Variants in ZER1 observed in about 807,000 individuals in gnomAD.
ZER1 encodes protein zer-1 homolog.
Under a neutral mutation model 78.8 loss-of-function variants are expected in ZER1, and 11 were observed. That is an observed-to-expected ratio of 0.14 (90% CI 0.09 to 0.23). The LOEUF (loss-of-function observed/expected upper bound fraction) is 0.23, where lower values mean the gene tolerates loss of function less well. Ranked by LOEUF, ZER1 falls within the 10% of genes least tolerant of loss-of-function variation. The probability of loss-of-function intolerance (pLI) is 1.00; values close to 1 mark genes in which losing one functional copy is unlikely to be tolerated. For synonymous variants in ZER1, 400 were observed against 407.0 expected (o/e 0.98, Z 0.21); for missense variants, 588 against 996.9 (o/e 0.59, Z 5.52).
At chr9:128,748,645 C>T (rs1236898351) in intron 8 of ZER1, among the ~76,000 whole-genome samples, 1 of 151,812 alleles carries the variant, frequency 6.6e-6, no homozygotes, top group African/African-American at 2.4e-5. Context: ...GATCTCAGCT[C>T]ACTGCAACCT....
chr9:128,766,772 G>C (rs553107279), intron 1 of ZER1, among the ~76,000 whole-genome samples: 43 of 145,766 alleles, frequency 2.9e-4, no homozygotes, highest in African/African-American at 1.1e-3. Context: ...CTTGAACCTA[G>C]GAGGCAGAGG....
intron 1 of ZER1, among the ~76,000 whole-genome samples, chr9:128,756,563 C>G (rs572183523): frequency 1.3e-4 from 20 of 152,260 alleles, no homozygotes; most frequent in Non-Finnish European, 2.9e-4. Flanking sequence ...GAATATTATT[C>G]AGTCATAAAA....
intron 7 of ZER1, 77 bp from the exon 8 acceptor site, chr9:128,750,866 C>T: frequency 1.3e-6 from 2 of 1,577,524 alleles, no homozygotes; most frequent in South Asian, 1.2e-5. Context: ...GGAACAGGCT[C>T]TCTGGGGCAA....
At chr9:128,758,120 G>A (rs1018392640) in intron 1 of ZER1, among the ~76,000 whole-genome samples, 22 of 148,848 alleles carry the variant, frequency 1.5e-4, no homozygotes, top group Non-Finnish European at 3.3e-4. Context: ...TTTTAGTTTA[G>A]GTTTTTTTTT....
intron 1 of ZER1, among the ~76,000 whole-genome samples, chr9:128,759,787 T>G (rs1449006178): frequency 6.6e-6 from 1 of 152,030 alleles, no homozygotes; most frequent in Admixed American, 6.6e-5. Flanking sequence ...AGAGCGAGAC[T>G]CCGTCTCAAA....
intron 8 of ZER1, among the ~76,000 whole-genome samples, chr9:128,746,480 A>T (rs1863496030): frequency 7.3e-6 from 1 of 136,460 alleles, no homozygotes. Context: ...TTTTTTTTTA[A>T]GACAGGGTCT....
rs1285465865 is a variant in ZER1, at chr9:128,755,191, A to T, written c.158+217T>A. ...CACACACCCATGCCTTCACGTGCAC[A>T]CCCCTCCACACACACACCAACACAC... On this transcript the variant is annotated intron_variant, in intron 2 of 15. Transcript: ENST00000291900. The surrounding 1 kb of genome is among the most constrained non-coding windows in gnomAD (Gnocchi z 5.6). Among the ~76,000 whole-genome samples, 1 of 151,920 alleles carries T rather than the reference A, an allele frequency of 6.6e-6. No individual in the cohort carries two copies. The highest frequency in any genetic ancestry group is 1.9e-4 in the East Asian group (1 of 5,192).
intron 1 of ZER1, among the ~76,000 whole-genome samples, chr9:128,768,952 CT>C (rs528758143): frequency 4.5e-3 from 671 of 148,346 alleles, no homozygotes; most frequent in Non-Finnish European, 7.8e-3. Context: ...CATTTTAATT[CT>C]TTTTTTTTTA....
chr9:128,744,837 T>C (rs1267740081), intron 8 of ZER1, among the ~76,000 whole-genome samples: 1 of 152,220 alleles, frequency 6.6e-6, no homozygotes, highest in East Asian at 1.9e-4. Flanking sequence ...TTGTTATACG[T>C]AGCTGAAATG....
chr9:128,743,127 T>C (rs1370848271), intron 8 of ZER1, among the ~76,000 whole-genome samples: 1 of 151,766 alleles, frequency 6.6e-6, no homozygotes, highest in Non-Finnish European at 1.5e-5. Flanking sequence ...TTCTTTCTTT[T>C]TTTTTTTTGA....
chr9:128,736,386 C>G (rs1460715783), intron 13 of ZER1, among the ~76,000 whole-genome samples: 1 of 146,360 alleles, frequency 6.8e-6, no homozygotes, highest in Non-Finnish European at 1.5e-5. Flanking sequence ...ATGTCCAGCC[C>G]TTTTTTCTTT....
intron 13 of ZER1, among the ~76,000 whole-genome samples, chr9:128,738,448 C>T (rs1165296349): frequency 2.0e-5 from 3 of 149,608 alleles, no homozygotes; most frequent in East Asian, 4.0e-4. Context: ...TGCAGTGGCG[C>T]GATCTCGGCT....
chr9:128,747,873 C>T (rs1477707131), intron 8 of ZER1, among the ~76,000 whole-genome samples: 1 of 152,172 alleles, frequency 6.6e-6, no homozygotes, highest in African/African-American at 2.4e-5. Context: ...CCTTCCTCGG[C>T]CCTCCAAAGT....
At chr9:128,758,748 C>T (rs1863943739) in intron 1 of ZER1, among the ~76,000 whole-genome samples, 1 of 151,812 alleles carries the variant, frequency 6.6e-6, no homozygotes. Context: ...CCAACCCTTA[C>T]TGCATTTAAT....
intron 1 of ZER1, among the ~76,000 whole-genome samples, chr9:128,763,587 T>G (rs1329301285): frequency 2.0e-5 from 3 of 152,230 alleles, no homozygotes; most frequent in African/African-American, 7.2e-5. Flanking sequence ...CATAAGCGCC[T>G]GTCGCGTAAC....
chr9:128,762,912 G>A lies in ZER1; in HGVS notation c.-94-7253C>T, dbSNP rs560206521. 2.6e-5 allele frequency among the ~76,000 whole-genome samples: 4 copies of A among 152,314 alleles called. No individual in the cohort carries two copies. The East Asian group carries it at 7.7e-4, about 29-fold the overall frequency. On this transcript the variant is annotated intron_variant, in intron 1 of 15. Coordinates refer to ENST00000291900, the MANE Select transcript of ZER1 (RefSeq NM_006336.4). ...ACTGGAACCAGAGGGAGCACTGCTG[G>A]CAGAGAGTCCCCACTCTTGGAAAGC...
intron 1 of ZER1, among the ~76,000 whole-genome samples, chr9:128,767,925 C>T (rs1864266273): frequency 6.6e-6 from 1 of 152,188 alleles, no homozygotes; most frequent in African/African-American, 2.4e-5. Context: ...GCCTCGGCTC[C>T]ACAAGATCCC....
chr9:128,742,014 C>T (rs1453706116), intron 9 of ZER1, among the ~76,000 whole-genome samples, 173 bp from the exon 10 acceptor site: 1 of 152,228 alleles, frequency 6.6e-6, no homozygotes, highest in Non-Finnish European at 1.5e-5. Flanking sequence ...GCCTCAGCCC[C>T]TTGGTATTGG....
intron 1 of ZER1, among the ~76,000 whole-genome samples, chr9:128,770,576 G>A (rs1346093665): frequency 6.6e-6 from 1 of 152,104 alleles, no homozygotes; most frequent in Admixed American, 6.6e-5. Flanking sequence ...TCTATAAAAT[G>A]ACAACTCCCA....
Sources: allele counts gnomAD v4.1 joint callset (sites outside exome capture counted in the v4.1 genomes callset), GRCh38; gene constraint gnomAD v4.1.1; non-coding constraint Gnocchi (gnomAD v3.1); transcripts MANE v1.5; gene names NCBI Gene and HGNC (gene_info 2026-07-23, HGNC 2026-07-21).